TMEM117: variants seen among roughly 807,000 people sequenced by gnomAD.
TMEM117 encodes transmembrane protein 117.
TMEM117 carries 27 observed loss-of-function variants against 52.4 expected under a neutral mutation model. That is an observed-to-expected ratio of 0.51 (90% CI 0.38 to 0.71). The LOEUF (loss-of-function observed/expected upper bound fraction) is 0.71, where lower values mean the gene tolerates loss of function less well. Among genes scored for constraint, TMEM117 ranks in the 30% least tolerant of loss-of-function variants. The probability of loss-of-function intolerance (pLI) is 0.00; values close to 1 mark genes in which losing one functional copy is unlikely to be tolerated. For missense variants in TMEM117, 556 were observed against 630.5 expected, an observed-to-expected ratio of 0.88 and a Z score of 1.26; for synonymous variants, 215 against 206.3, an observed-to-expected ratio of 1.04 and a Z score of -0.36.
rs114669079 is a variant in TMEM117 at position 44,337,885 on chromosome 12, C to T, written c.768+38146C>T. ...AGAAAAATGTAGCCTAACAGTGTTT[C>T]TTTCCATTGCAAACTGTAGAACAGA... On this transcript the variant is annotated intron_variant, in intron 6 of 7. Coordinates refer to ENST00000266534, the MANE Select transcript of TMEM117 (RefSeq NM_032256.3). Among the ~76,000 whole-genome samples, 1,053 of 152,128 alleles carry T rather than the reference C, an allele frequency of 6.9e-3. 12 individuals carry two copies. The highest frequency in any genetic ancestry group is 0.024 in the African/African-American group (996 of 41,524).
At chr12:43,932,523 G>C (rs1944887979) in intron 2 of TMEM117, among the ~76,000 whole-genome samples, 1 of 152,054 alleles carries the variant, frequency 6.6e-6, no homozygotes, top group Non-Finnish European at 1.5e-5. Flanking sequence ...AATAATGATT[G>C]ATAGATTTGT....
intron 3 of TMEM117, among the ~76,000 whole-genome samples, chr12:43,985,495 G>A (rs1166011517): frequency 2.0e-5 from 3 of 152,056 alleles, no homozygotes; most frequent in Admixed American, 6.6e-5. Flanking sequence ...TTAGTGAAGA[G>A]CATAACTTTT....
At chr12:44,049,835 T>C (rs1223174171) in intron 3 of TMEM117, among the ~76,000 whole-genome samples, 6 of 152,204 alleles carry the variant, frequency 3.9e-5, no homozygotes, top group Non-Finnish European at 8.8e-5. Flanking sequence ...AGTTTTTCAA[T>C]TGGAGAGAAT....
intron 5 of TMEM117, among the ~76,000 whole-genome samples, chr12:44,295,337 G>T (rs1184285992): frequency 2.6e-5 from 4 of 152,056 alleles, no homozygotes; most frequent in Non-Finnish European, 2.9e-5. Context: ...CCGAGTAGCT[G>T]GGACTGCAGG....
chr12:43,959,092 C>T (rs181246884), intron 3 of TMEM117, among the ~76,000 whole-genome samples: 132 of 152,248 alleles, frequency 8.7e-4, no homozygotes, highest in Middle Eastern at 3.4e-3. Context: ...CAGGCGTGAG[C>T]CACCGCGCCC....
chr12:43,964,349 T>A (rs1434044536), intron 3 of TMEM117, among the ~76,000 whole-genome samples: 1 of 152,150 alleles, frequency 6.6e-6, no homozygotes, highest in Non-Finnish European at 1.5e-5. Context: ...GGAACAACTC[T>A]ACAGACTACT....
chr12:44,328,614 A>T (rs746127325), intron 6 of TMEM117, among the ~76,000 whole-genome samples: 23 of 152,278 alleles, frequency 1.5e-4, no homozygotes, highest in Non-Finnish European at 3.1e-4. Context: ...ACTAAAAGAT[A>T]TCTTTGGTTG....
At chr12:43,901,946 A>T (rs896373249) in intron 2 of TMEM117, among the ~76,000 whole-genome samples, 1 of 152,232 alleles carries the variant, frequency 6.6e-6, no homozygotes, top group Non-Finnish European at 1.5e-5. Context: ...TGTGGTGATA[A>T]TGGTGGCATA....
chr12:44,121,411 A>G (rs762592845), intron 3 of TMEM117, among the ~76,000 whole-genome samples: 1 of 152,058 alleles, frequency 6.6e-6, no homozygotes, highest in African/African-American at 2.4e-5. Flanking sequence ...TGCAATGCCA[A>G]CCCCTCCTCT....
intron 3 of TMEM117, among the ~76,000 whole-genome samples, chr12:44,131,150 A>C (rs1948407433): frequency 6.6e-6 from 1 of 152,086 alleles, no homozygotes; most frequent in Non-Finnish European, 1.5e-5. Context: ...ATTTATTCAA[A>C]ATTAAAAGTT....
chr12:44,033,129 G>T lies in TMEM117; in HGVS notation c.410+88787G>T, dbSNP rs979639783. Among the ~76,000 whole-genome samples the T allele has an allele frequency of 2.5e-4, 38 of 152,188 alleles. 1 individual carries two copies. Among genetic ancestry groups the T allele is most frequent in the African/African-American group, 8.7e-4 (36 of 41,454 alleles). On this transcript the variant is annotated intron_variant, in intron 3 of 7. Transcript: ENST00000266534. The stretch of plus-strand genomic sequence containing the variant: ...CCCACCAAAACCAAGATGGTGACGA[G>T]AGTGACCCTCTGGTTGTCCTCACTG...
chr12:44,105,761 G>A (rs978585292), intron 3 of TMEM117, among the ~76,000 whole-genome samples: 11 of 151,928 alleles, frequency 7.2e-5, no homozygotes, highest in Admixed American at 7.2e-4. Context: ...GGTCAGATAG[G>A]CTCTGATCAA....
chr12:43,948,311 T>TC (rs1218232390), intron 3 of TMEM117, among the ~76,000 whole-genome samples: 2 of 151,772 alleles, frequency 1.3e-5, no homozygotes, highest in Admixed American at 6.6e-5. Flanking sequence ...CCTCCTTTAT[T>TC]CTTTTTTTTT....
At chr12:44,014,428 C>T (rs1182422122) in intron 3 of TMEM117, among the ~76,000 whole-genome samples, 1 of 152,064 alleles carries the variant, frequency 6.6e-6, no homozygotes, top group Non-Finnish European at 1.5e-5. Flanking sequence ...TGTCTGCTTC[C>T]AGAGAGGATA....
chr12:44,299,831 A>G (rs1950817399), intron 6 of TMEM117, 92 bp downstream of exon 6: 1 of 1,448,008 alleles, frequency 6.9e-7, no homozygotes, highest in African/African-American at 1.4e-5. Flanking sequence ...ATAAATCTAA[A>G]TAAGTACAGC....
chr12:44,009,913 A>G lies in TMEM117; in HGVS notation c.410+65571A>G, dbSNP rs374763992. On this transcript the variant is annotated intron_variant, in intron 3 of 7. Coordinates refer to ENST00000266534, the MANE Select transcript of TMEM117 (RefSeq NM_032256.3). Reference sequence around the variant, plus strand: ...TCTTTTGGGTGGATCTCTGGCCTCAATCACTGATAGCATAATTTCTGAAGT... The same window carrying G: ...TCTTTTGGGTGGATCTCTGGCCTCAGTCACTGATAGCATAATTTCTGAAGT... The G allele has an allele frequency of 2.0e-4, 55 of 275,268 alleles. No individual in the cohort carries two copies. The East Asian group carries it at 4.3e-3, about 22-fold the overall frequency. 17.1% of individuals were successfully genotyped at this position (275,268 alleles called of 1,614,324 possible).
At chr12:44,163,163 G>T (rs1439873928) in intron 4 of TMEM117, among the ~76,000 whole-genome samples, 1 of 152,172 alleles carries the variant, frequency 6.6e-6, no homozygotes, top group African/African-American at 2.4e-5. Flanking sequence ...AAATCCATAA[G>T]ATTAGCATTT....
intron 5 of TMEM117, among the ~76,000 whole-genome samples, chr12:44,242,045 C>T (rs951812174): frequency 2.0e-5 from 3 of 151,896 alleles, no homozygotes; most frequent in Admixed American, 1.3e-4. Context: ...TCTTGCTCTG[C>T]ATGGAGTTCA....
chr12:44,048,636 T>G (rs776525118), intron 3 of TMEM117, among the ~76,000 whole-genome samples: 4 of 152,200 alleles, frequency 2.6e-5, no homozygotes, highest in Non-Finnish European at 4.4e-5. Flanking sequence ...TACAACTAAA[T>G]AAATAGTATA....
Sources: allele counts gnomAD v4.1 joint callset (sites outside exome capture counted in the v4.1 genomes callset), GRCh38; gene constraint gnomAD v4.1.1; transcripts MANE v1.5; gene names NCBI Gene and HGNC (gene_info 2026-07-23, HGNC 2026-07-21).